MTOR: variants seen among roughly 807,000 people sequenced by gnomAD.
MTOR encodes mechanistic target of rapamycin kinase, also known as serine/threonine-protein kinase mTOR.
A neutral mutation model predicts 319.8 loss-of-function variants in MTOR; 70 were observed. The observed-to-expected ratio is 0.22, with a 90% confidence interval of 0.18 to 0.27. MTOR has a LOEUF of 0.27. Among genes scored for constraint, MTOR ranks in the 10% least tolerant of loss-of-function variants. MTOR has a pLI of 1.00. For synonymous variants in MTOR, 1,183 were observed against 1,211.4 expected (o/e 0.98, Z 0.49); for missense variants, 1,890 against 3,274.4 (o/e 0.58, Z 10.32).
chr1:11,231,113 T>C (rs1647001356), intron 17 of MTOR, 59 bp from the exon 18 acceptor site: 9 of 1,612,302 alleles, frequency 5.6e-6, no homozygotes, highest in African/African-American at 1.3e-5. Flanking sequence ...TTACAACAAG[T>C]ATCACGGATA....
chr1:11,144,901 G>C, intron 33 of MTOR, 67 bp downstream of exon 33: 1 of 1,564,872 alleles, frequency 6.4e-7, no homozygotes, highest in Non-Finnish European at 8.8e-7. Context: ...GTTCTCAATA[G>C]CCCATTCTGA....
intron 5 of MTOR, among the ~76,000 whole-genome samples, chr1:11,255,738 G>A (rs528816947): frequency 3.3e-5 from 5 of 152,094 alleles, no homozygotes; most frequent in South Asian, 4.2e-4. Flanking sequence ...CTAGCTATTC[G>A]GGAGGCTAAG....
intron 38 of MTOR, 169 bp from the exon 39 acceptor site, chr1:11,130,946 T>G: frequency 1.2e-6 from 1 of 818,366 alleles, no homozygotes; most frequent in Non-Finnish European, 1.9e-6. Flanking sequence ...AAATTCAACA[T>G]GATCCACTCA....
At position 11,238,018 on chromosome 1, in the gene MTOR, G is replaced by A. The variant is rs746254414; in HGVS notation, c.2033C>T (p.Ser678Phe). ...GTGTGCATCAAAGCGCTCGTCCAGGGACGCCAAGACACAGTAGCGAATGTC... is the reference window on the plus strand; with the variant it reads ...GTGTGCATCAAAGCGCTCGTCCAGGAACGCCAAGACACAGTAGCGAATGTC... ...DPDIRYCVLA[S>F]LDERFDAHLA... The change falls in exon 13 of 58, where the codon TCC (serine) becomes TTC (phenylalanine). Residue 678 changes from serine to phenylalanine, a missense_variant. By Grantham distance (155) the Ser-to-Phe change is radical. This residue lies in a region of MTOR where 377 missense variants were observed against 653.9 expected (regional missense o/e 0.58). Coordinates refer to ENST00000361445, the MANE Select transcript of MTOR (RefSeq NM_004958.4). 1.2e-6 allele frequency: 2 copies of A among 1,614,210 alleles called. No homozygotes were observed. Among genetic ancestry groups the A allele is most frequent in the Non-Finnish European group, 1.7e-6 (2 of 1,180,046 alleles).
rs201601333 is a variant in MTOR at position 11,241,656 on chromosome 1, C to T, written c.1438G>A (p.Ala480Thr). 2 of 1,613,706 alleles carry T rather than the reference C, an allele frequency of 1.2e-6. No individual in the cohort carries two copies. Among genetic ancestry groups the T allele is most frequent in the Non-Finnish European group, 1.7e-6 (2 of 1,179,698 alleles). Reference sequence around the variant, plus strand: ...ATGCTGATGCAAGTGAAGACTGTGGCATCCACCTGCATTGCCTTCTGCCTC... The same window carrying T: ...ATGCTGATGCAAGTGAAGACTGTGGTATCCACCTGCATTGCCTTCTGCCTC... ...HKRQKAMQVDATVFTCISMLA... is the reference protein window; with the variant it reads ...HKRQKAMQVDTTVFTCISMLA... Residue 480 changes from alanine to threonine, a missense_variant, in exon 10 of 58, where the codon GCC becomes ACC. Physicochemically the swap from Ala to Thr is moderately conservative, Grantham distance 58. Transcript: ENST00000361445.
chr1:11,230,704 T>C (rs1646987254), intron 18 of MTOR, among the ~76,000 whole-genome samples: 1 of 152,184 alleles, frequency 6.6e-6, no homozygotes, highest in South Asian at 2.1e-4. Flanking sequence ...ATGCCAACCC[T>C]TGACAAAGAA....
intron 49 of MTOR, among the ~76,000 whole-genome samples, chr1:11,119,624 T>C (rs1016677788): frequency 1.5e-5 from 2 of 135,988 alleles, no homozygotes; most frequent in African/African-American, 5.7e-5. Flanking sequence ...CACGCGCCTG[T>C]AATTCCAGGT....
chr1:11,227,769 C>T (rs562618321), intron 19 of MTOR, among the ~76,000 whole-genome samples: 1 of 152,148 alleles, frequency 6.6e-6, no homozygotes, highest in African/African-American at 2.4e-5. Context: ...ACTTTGCAAC[C>T]ACCAGTGTGA....
chr1:11,192,190 TA>T, intron 28 of MTOR: 1 of 1,049,874 alleles, frequency 9.5e-7, no homozygotes, highest in Non-Finnish European at 1.5e-6. Flanking sequence ...AGGGTAGAAA[TA>T]AAGGCTCAGT....
intron 29 of MTOR, among the ~76,000 whole-genome samples, chr1:11,159,005 C>T (rs550874297): frequency 5.9e-5 from 9 of 152,282 alleles, no homozygotes; most frequent in Middle Eastern, 3.4e-3. Context: ...AAATCCACCA[C>T]GGGTTTAGCA....
At chr1:11,193,508 T>C (rs1645633146) in intron 28 of MTOR, 1 of 1,401,528 alleles carries the variant, frequency 7.1e-7, no homozygotes, top group Admixed American at 2.3e-5. Flanking sequence ...AGGAACAGGT[T>C]GGGAAGCCTG....
At chr1:11,195,278 C>T (rs1645742552) in intron 28 of MTOR, 2 of 406,648 alleles carry the variant, frequency 4.9e-6, no homozygotes, top group Non-Finnish European at 8.7e-6. Flanking sequence ...TGGGGTCTCT[C>T]TGCCCAAGAT....
Position 11,128,582 on chromosome 1 carries a change from A to G in MTOR, c.5812-30T>C. ...TATTCAAAAAGACACAGTATGTAGC[A>G]TATGAGACTTGAAACAACTAGTTAT... On this transcript the variant is annotated intron_variant, in intron 41 of 57. Transcript: ENST00000361445. The surrounding 1 kb of genome is among the most constrained non-coding windows in gnomAD (Gnocchi z 5.3). 1.9e-6 allele frequency: 3 copies of G among 1,589,654 alleles called. No individual in the cohort carries two copies. In the South Asian group the frequency reaches 3.3e-5, roughly 18 times the overall value.
At position 11,115,500 on chromosome 1, in the gene MTOR, A is replaced by G. The variant is rs1642115962; in HGVS notation, c.7017-32T>C. On this transcript the variant is annotated intron_variant, in intron 50 of 57. Transcript: ENST00000361445. The surrounding 1 kb of genome is among the most constrained non-coding windows in gnomAD (Gnocchi z 4.5). ...GAAACAGAAGACAGATCAGGGAGGGATCAACAGAGATAACGGATGAAAAAA... is the reference window on the plus strand; with the variant it reads ...GAAACAGAAGACAGATCAGGGAGGGGTCAACAGAGATAACGGATGAAAAAA... 6.3e-7 allele frequency: 1 copy of G among 1,594,600 alleles called. No individual in the cohort carries two copies. Among genetic ancestry groups the G allele is most frequent in the Non-Finnish European group, 8.6e-7 (1 of 1,162,254 alleles).
At chr1:11,123,458 A>G (rs1642650754) in intron 47 of MTOR, among the ~76,000 whole-genome samples, 1 of 133,596 alleles carries the variant, frequency 7.5e-6, no homozygotes, top group African/African-American at 2.9e-5. Context: ...GGCGTGAGTC[A>G]CTGTGCCCAG....
At chr1:11,157,032 A>C in intron 30 of MTOR, 120 bp downstream of exon 30, 1 of 1,273,520 alleles carries the variant, frequency 7.9e-7, no homozygotes, top group South Asian at 1.5e-5. Flanking sequence ...AGAAGTATCA[A>C]GTGGAACAAA....
intron 17 of MTOR, 121 bp from the exon 18 acceptor site, chr1:11,231,175 G>C: frequency 6.3e-7 from 1 of 1,582,942 alleles, no homozygotes; most frequent in East Asian, 2.2e-5. Flanking sequence ...CCAGCTACAT[G>C]AACAAAATTG....
At chr1:11,207,115 G>A (rs1271355271) in intron 25 of MTOR, among the ~76,000 whole-genome samples, 1 of 152,052 alleles carries the variant, frequency 6.6e-6, no homozygotes, top group South Asian at 2.1e-4. Flanking sequence ...GTTGTTGTTG[G>A]TGAGACAGGG....
chr1:11,164,400 T>C (rs1644577166), intron 29 of MTOR, among the ~76,000 whole-genome samples: 1 of 121,020 alleles, frequency 8.3e-6, no homozygotes, highest in African/African-American at 3.1e-5. Context: ...ACATAAAAAA[T>C]GATAAAGGGG....
Sources: gnomAD v4.1 joint callset for allele counts (sites outside exome capture counted in the v4.1 genomes callset) on GRCh38, gnomAD v4.1.1 for gene constraint, gnomAD v4.1.1 regional missense constraint, Gnocchi (gnomAD v3.1) non-coding constraint, MANE v1.5 for transcripts, NCBI Gene and HGNC (gene_info 2026-07-23, HGNC 2026-07-21) for gene names.